Variants in PCBP3 observed in about 807,000 individuals in gnomAD.
The protein encoded by PCBP3 is poly(rC) binding protein 3, also known as poly(rC)-binding protein 3.
PCBP3 carries 25 observed loss-of-function variants against 52.7 expected under a neutral mutation model. The observed-to-expected ratio is 0.47, with a 90% CI of 0.35 to 0.66. The LOEUF is 0.66. PCBP3 is among the 30% of genes least tolerant of loss of function. The pLI is 0.01. For missense variants in PCBP3, 391 were observed against 490.3 expected (o/e 0.80, Z 1.91); for synonymous variants, 162 against 183.0 (o/e 0.89, Z 0.93).
intron 3 of PCBP3, among the ~76,000 whole-genome samples, chr21:45,752,211 CAT>C (rs1359878722): frequency 2.0e-5 from 3 of 152,008 alleles, no homozygotes; most frequent in Non-Finnish European, 4.4e-5. Flanking sequence ...GGAAATTACT[CAT>C]GTTTTATTCT....
At chr21:45,879,093 C>A (rs2095338407) in intron 5 of PCBP3, among the ~76,000 whole-genome samples, 1 of 152,154 alleles carries the variant, frequency 6.6e-6, no homozygotes, top group African/African-American at 2.4e-5. Context: ...TCAAGCGATC[C>A]TCCCATCTCA....
intron 1 of PCBP3, among the ~76,000 whole-genome samples, chr21:45,644,107 C>T (rs993025451): frequency 6.6e-6 from 1 of 151,086 alleles, no homozygotes; most frequent in African/African-American, 2.4e-5. Flanking sequence ...AGGCCTGGCC[C>T]GCCCGCCTCC....
chr21:45,766,844 A>G (rs555002403), intron 4 of PCBP3, among the ~76,000 whole-genome samples: 2 of 152,270 alleles, frequency 1.3e-5, no homozygotes, highest in South Asian at 4.2e-4. Flanking sequence ...CATTATTTAG[A>G]GCTTTTTCTT....
intron 13 of PCBP3, chr21:45,918,845 C>T (rs879235929): frequency 0.01 from 1,107 of 109,762 alleles, no homozygotes; most frequent in Non-Finnish European, 0.011. Flanking sequence ...AAGAAGTTAC[C>T]CTCAGATAAA....
At chr21:45,676,721 C>T (rs1237999072) in intron 2 of PCBP3, among the ~76,000 whole-genome samples, 1 of 152,080 alleles carries the variant, frequency 6.6e-6, no homozygotes, top group Admixed American at 6.5e-5. Context: ...CCTTCAGTGG[C>T]CTCTACATGT....
intron 13 of PCBP3, among the ~76,000 whole-genome samples, chr21:45,921,871 T>A (rs1489552338): frequency 6.6e-6 from 1 of 152,024 alleles, no homozygotes; most frequent in Non-Finnish European, 1.5e-5. Context: ...TTTCTCCAGC[T>A]CCTCACACGC....
chr21:45,830,149 C>T lies in PCBP3; in HGVS notation c.-125-19812C>T, dbSNP rs2093411635. The stretch of plus-strand genomic sequence containing the variant: ...TGGGGGCATGCAGTACATGTGGGCC[C>T]TGCAACCCTAGACCAGTCTCCAGGC... On this transcript the variant is annotated intron_variant, in intron 4 of 17. Coordinates refer to ENST00000681687, the MANE Select transcript of PCBP3 (RefSeq NM_001384156.1). The surrounding 1 kb of genome is among the most constrained non-coding windows in gnomAD (Gnocchi z 4.4). The T allele has an allele frequency of 6.5e-6, 1 of 152,786 alleles. No homozygotes were observed. Among genetic ancestry groups the T allele is most frequent in the Non-Finnish European group, 1.5e-5 (1 of 68,132 alleles). The allele number at this position is 152,786 out of a possible 1,614,324, so 9.5% of individuals were successfully genotyped here.
intron 4 of PCBP3, among the ~76,000 whole-genome samples, chr21:45,779,147 G>A (rs2090460926): frequency 6.6e-6 from 1 of 152,232 alleles, no homozygotes; most frequent in Admixed American, 6.5e-5. Flanking sequence ...CACGCAGTCT[G>A]CCAAAGGCTA....
chr21:45,841,136 C>T (rs1037987508), intron 4 of PCBP3, among the ~76,000 whole-genome samples: 1 of 152,170 alleles, frequency 6.6e-6, no homozygotes, highest in Non-Finnish European at 1.5e-5. Flanking sequence ...ACGATATTTG[C>T]ACAGTGATGA....
intron 5 of PCBP3, among the ~76,000 whole-genome samples, chr21:45,895,953 C>T (rs1263216920): frequency 6.6e-6 from 1 of 152,246 alleles, no homozygotes; most frequent in Non-Finnish European, 1.5e-5. Context: ...CAGACCTCGG[C>T]CAGGGGCTGC....
chr21:45,784,859 T>C (rs890975421), intron 4 of PCBP3, among the ~76,000 whole-genome samples: 1 of 152,176 alleles, frequency 6.6e-6, no homozygotes, highest in African/African-American at 2.4e-5. Context: ...AGTGCCGAGA[T>C]TGCAGCCTCT....
At chr21:45,812,763 G>C (rs1035630687) in intron 4 of PCBP3, among the ~76,000 whole-genome samples, 1 of 152,142 alleles carries the variant, frequency 6.6e-6, no homozygotes, top group African/African-American at 2.4e-5. Context: ...TAATTTTGAT[G>C]ATGTCTTTAT....
chr21:45,772,993 T>C (rs1239661802), intron 4 of PCBP3, among the ~76,000 whole-genome samples: 3 of 152,202 alleles, frequency 2.0e-5, no homozygotes, highest in South Asian at 2.1e-4. Flanking sequence ...GTCAGAAGAA[T>C]AATTTGCAAA....
chr21:45,756,996 A>G (rs1281634460), intron 4 of PCBP3, among the ~76,000 whole-genome samples: 2 of 152,328 alleles, frequency 1.3e-5, no homozygotes, highest in East Asian at 1.9e-4. Context: ...ACATTCCTGT[A>G]CAAGTTTTTT....
At chr21:45,792,685 A>G (rs1211343095) in intron 4 of PCBP3, among the ~76,000 whole-genome samples, 1 of 152,258 alleles carries the variant, frequency 6.6e-6, no homozygotes, top group African/African-American at 2.4e-5. Context: ...GAAACAGGCG[A>G]TGTTTGTGGA....
intron 1 of PCBP3, among the ~76,000 whole-genome samples, chr21:45,644,406 T>A (rs915199809): frequency 5.3e-5 from 8 of 151,602 alleles, no homozygotes; most frequent in African/African-American, 1.9e-4. Flanking sequence ...AGGTCTCTCT[T>A]GTTGCTCGCT....
chr21:45,811,981 T>C (rs2092698269), intron 4 of PCBP3, among the ~76,000 whole-genome samples: 1 of 152,266 alleles, frequency 6.6e-6, no homozygotes, highest in Non-Finnish European at 1.5e-5. Context: ...GAATTTCATT[T>C]TATTTCCTCT....
chr21:45,922,656 G>A (rs563876553), intron 13 of PCBP3, among the ~76,000 whole-genome samples: 7 of 152,236 alleles, frequency 4.6e-5, no homozygotes, highest in Non-Finnish European at 7.3e-5. Context: ...TAAAGGGGAT[G>A]TTGAAAGCAA....
intron 4 of PCBP3, among the ~76,000 whole-genome samples, chr21:45,785,171 T>G (rs1233097994): frequency 2.9e-5 from 4 of 136,718 alleles, no homozygotes; most frequent in African/African-American, 5.7e-5. Flanking sequence ...GAAGTGAGGA[T>G]CCCCTCCGCC....
Sources: gnomAD v4.1 joint callset for allele counts (sites outside exome capture counted in the v4.1 genomes callset) on GRCh38, gnomAD v4.1.1 for gene constraint, Gnocchi (gnomAD v3.1) non-coding constraint, MANE v1.5 for transcripts, NCBI Gene and HGNC (gene_info 2026-07-23, HGNC 2026-07-21) for gene names.